PPARGC1A: variants seen among roughly 807,000 people sequenced by gnomAD.
The protein encoded by PPARGC1A is PPARG coactivator 1 alpha.
Under a neutral mutation model 88.7 loss-of-function variants are expected in PPARGC1A, and 25 were observed. That is an observed-to-expected ratio of 0.28 (90% CI 0.21 to 0.39). The LOEUF (loss-of-function observed/expected upper bound fraction) is 0.39. Among genes scored for constraint, PPARGC1A ranks in the 10% least tolerant of loss-of-function variants. The probability of loss-of-function intolerance (pLI) is 1.00; values close to 1 mark genes in which losing one functional copy is unlikely to be tolerated. For synonymous variants in PPARGC1A, 363 were observed against 355.6 expected, an observed-to-expected ratio of 1.02 and a Z score of -0.24; for missense variants, 880 against 968.7, an observed-to-expected ratio of 0.91 and a Z score of 1.22.
At chr4:24,455,071 T>C in the PPARGC1A span, among the ~76,000 whole-genome samples, 2 of 152,200 alleles carry the variant, frequency 1.3e-5, no homozygotes, top group African/African-American at 4.8e-5. Context: ...AAAGTCATAG[T>C]AATGTCTAAA....
intron 2 of PPARGC1A, among the ~76,000 whole-genome samples, chr4:23,842,386 A>G (rs1307569840): frequency 6.6e-6 from 1 of 152,098 alleles, no homozygotes; most frequent in Non-Finnish European, 1.5e-5. Flanking sequence ...TACCTTAAGC[A>G]TTCCCTTCCA....
chr4:24,273,725 CTTTTTT>C, the PPARGC1A span, among the ~76,000 whole-genome samples: 20 of 100,980 alleles, frequency 2.0e-4, no homozygotes, highest in Admixed American at 1.9e-3. Flanking sequence ...CCTTGGGGCA[CTTTTTT>C]TTTTTTTTTT....
At chr4:24,416,868 T>C in the PPARGC1A span, among the ~76,000 whole-genome samples, 4 of 152,108 alleles carry the variant, frequency 2.6e-5, no homozygotes, top group African/African-American at 2.4e-5. Flanking sequence ...CCGTCTCTAC[T>C]AAAAATACAA....
At chr4:23,834,478 G>A (rs1271447182) in intron 2 of PPARGC1A, among the ~76,000 whole-genome samples, 6 of 106,636 alleles carry the variant, frequency 5.6e-5, no homozygotes, top group African/African-American at 2.3e-4. Context: ...GACAGAGGGA[G>A]ACTCTGTCTC....
At chr4:24,444,678 C>CCA in the PPARGC1A span, among the ~76,000 whole-genome samples, 1 of 152,108 alleles carries the variant, frequency 6.6e-6, no homozygotes, top group African/African-American at 2.4e-5. Flanking sequence ...CTAGCAAAGA[C>CCA]CACCTTAAAC....
the PPARGC1A span, among the ~76,000 whole-genome samples, chr4:24,386,964 G>A: frequency 6.6e-6 from 1 of 152,134 alleles, no homozygotes; most frequent in Admixed American, 6.5e-5. Flanking sequence ...CAAAGCTGGA[G>A]GCATCATGCT....
chr4:24,036,989 A>C, the PPARGC1A span, among the ~76,000 whole-genome samples: 5 of 152,216 alleles, frequency 3.3e-5, no homozygotes, highest in African/African-American at 9.6e-5. Flanking sequence ...AAGAGTTTAC[A>C]AGCATGTCTC....
Position 23,792,941 on chromosome 4 carries a change from G to A in PPARGC1A, c.*2881C>T, listed in dbSNP as rs1716895283. ...ATGGTAACAATATTTGTCAGGCTGGGGGTAGGGGGGATAAATTAATCCTCA... is the reference window on the plus strand; with the variant it reads ...ATGGTAACAATATTTGTCAGGCTGGAGGTAGGGGGGATAAATTAATCCTCA... On this transcript the variant is annotated 3_prime_UTR_variant, in exon 13 of 13. Transcript: ENST00000264867. The A allele has an allele frequency of 6.6e-6, 1 of 152,252 alleles. No individual in the cohort carries two copies. Among genetic ancestry groups the A allele is most frequent in the Non-Finnish European group, 1.5e-5 (1 of 68,022 alleles). The allele number at this position is 152,252 out of a possible 1,614,324, so 9.4% of individuals were successfully genotyped here.
the PPARGC1A span, among the ~76,000 whole-genome samples, chr4:24,142,633 C>T: frequency 1.3e-5 from 2 of 151,616 alleles, no homozygotes; most frequent in African/African-American, 4.8e-5. Context: ...GAGATCACAC[C>T]ACTGCACTGC....
At chr4:24,187,874 C>T in the PPARGC1A span, among the ~76,000 whole-genome samples, 21,373 of 151,982 alleles carry the variant, frequency 0.14, 1,790 homozygotes, top group African/African-American at 0.22. Context: ...TACTGGAGTC[C>T]CTTGAACGAG....
the PPARGC1A span, among the ~76,000 whole-genome samples, chr4:24,325,737 A>G: frequency 1.3e-5 from 2 of 152,020 alleles, no homozygotes; most frequent in Non-Finnish European, 2.9e-5. Context: ...GCTTTGAGTA[A>G]CTCTCACAGT....
rs201481114 is a variant in PPARGC1A at position 23,802,365 on chromosome 4, G to A, written c.2020-20C>T. Reference sequence around the variant, plus strand: ...CTCTTCCTATGGGGGGAAGGAAGGAGAGAGTTCTGGAGTGGGAAAAAAGCT... The same window carrying A: ...CTCTTCCTATGGGGGGAAGGAAGGAAAGAGTTCTGGAGTGGGAAAAAAGCT... On this transcript the variant is annotated intron_variant, in intron 10 of 12. Transcript: ENST00000264867. The A allele has an allele frequency of 9.1e-5, 147 of 1,613,656 alleles. No individual in the cohort carries two copies. The African/African-American group carries it at 1.3e-3, about 14-fold the overall frequency.
the PPARGC1A span, among the ~76,000 whole-genome samples, chr4:24,142,102 C>T: frequency 1.3e-5 from 2 of 152,086 alleles, no homozygotes; most frequent in African/African-American, 4.8e-5. Context: ...TCACCATGGC[C>T]CACACAGTCC....
chr4:24,300,433 T>C, the PPARGC1A span, among the ~76,000 whole-genome samples: 37 of 137,836 alleles, frequency 2.7e-4, no homozygotes, highest in Non-Finnish European at 3.8e-4. Flanking sequence ...AGATGAAGCA[T>C]TGGATAAGCA....
upstream of PPARGC1A, among the ~76,000 whole-genome samples, chr4:23,907,025 C>T (rs935811895): frequency 3.3e-5 from 5 of 152,084 alleles, no homozygotes; most frequent in East Asian, 3.9e-4. Context: ...GGCAGTCTGG[C>T]GAGCTATCAC....
chr4:24,119,109 G>A, the PPARGC1A span, among the ~76,000 whole-genome samples: 1 of 152,188 alleles, frequency 6.6e-6, no homozygotes, highest in African/African-American at 2.4e-5. Context: ...AAGTGGGATG[G>A]TGAGCCTGCT....
At chr4:24,233,475 G>A in the PPARGC1A span, among the ~76,000 whole-genome samples, 1 of 151,900 alleles carries the variant, frequency 6.6e-6, no homozygotes. Context: ...CCAAATAAGT[G>A]GCAGAGAAAA....
the PPARGC1A span, among the ~76,000 whole-genome samples, chr4:24,368,301 A>T: frequency 6.6e-6 from 1 of 152,180 alleles, no homozygotes. Context: ...AGTACCATAC[A>T]ATTTTAGGGT....
chr4:24,408,570 C>T, the PPARGC1A span, among the ~76,000 whole-genome samples: 1 of 152,192 alleles, frequency 6.6e-6, no homozygotes, highest in South Asian at 2.1e-4. Context: ...GCAGCTTCTA[C>T]ACAAGTGTCT....
Sources: gnomAD v4.1 joint callset for allele counts (sites outside exome capture counted in the v4.1 genomes callset) on GRCh38, gnomAD v4.1.1 for gene constraint, MANE v1.5 for transcripts, NCBI Gene and HGNC (gene_info 2026-07-23, HGNC 2026-07-21) for gene names.